The following HIP1 variants were observed in gnomAD, a reference collection of about 807,000 sequenced individuals.
HIP1 encodes the protein huntingtin-interacting protein 1.
A neutral mutation model predicts 147.6 loss-of-function variants in HIP1; 65 were observed. That is an observed-to-expected ratio of 0.44 (90% CI 0.36 to 0.54). The LOEUF (loss-of-function observed/expected upper bound fraction) is 0.54, where lower values mean the gene tolerates loss of function less well. Among genes scored for constraint, HIP1 ranks in the 20% least tolerant of loss-of-function variants. HIP1 has a pLI of 0.00. For synonymous variants in HIP1, 479 were observed against 504.0 expected, an observed-to-expected ratio of 0.95 and a Z score of 0.67; for missense variants, 1,061 against 1,299.6, an observed-to-expected ratio of 0.82 and a Z score of 2.82.
rs1794963253 is a variant in HIP1, at chr7:75,555,481, T to C, written c.1898A>G (p.Gln633Arg). The C allele has an allele frequency of 1.2e-6, 2 of 1,614,106 alleles. No individual in the cohort carries two copies. Among genetic ancestry groups the C allele is most frequent in the South Asian group, 2.2e-5 (2 of 91,090 alleles). The change falls in exon 19 of 31, where the codon CAG becomes CGG. Residue 633 changes from glutamine (Q) to arginine (R), a missense_variant. Physicochemically the swap from Gln to Arg is conservative, Grantham distance 43 (BLOSUM62 1). Around this residue, in one of 3 missense-constraint regions of HIP1, gnomAD observed 810 missense variants for 946.8 expected, o/e 0.86. Coordinates refer to ENST00000336926, the MANE Select transcript of HIP1 (RefSeq NM_005338.7). ...LLVGSRKAAE[Q>R]VIQDALNQLE... ...CTGGTTCAGGGCGTCTTGTATCACC[T>C]GCTCCGCAGCCTTCCTGGACCCCAC...
At chr7:75,663,543 A>G (rs1022835478) in intron 1 of HIP1, among the ~76,000 whole-genome samples, 20 of 152,020 alleles carry the variant, frequency 1.3e-4, no homozygotes, top group African/African-American at 4.1e-4. Context: ...TTGCCAGGGG[A>G]CAGGAGCAGA....
At chr7:75,639,254 GAGGGGA>G in intron 1 of HIP1, 2 of 763,494 alleles carry the variant, frequency 2.6e-6, no homozygotes, top group Non-Finnish European at 1.6e-6. Context: ...AGGGGAGGGG[GAGGGGA>G]GGCGGCGAGG....
At chr7:75,659,511 T>C (rs1313364884) in intron 1 of HIP1, among the ~76,000 whole-genome samples, 1 of 151,996 alleles carries the variant, frequency 6.6e-6, no homozygotes, top group East Asian at 1.9e-4. Context: ...TAGCCAGGTA[T>C]GGTGGCGCAC....
At chr7:75,614,807 T>A (rs1554505651) in intron 1 of HIP1, among the ~76,000 whole-genome samples, 1 of 152,064 alleles carries the variant, frequency 6.6e-6, no homozygotes, top group East Asian at 1.9e-4. Context: ...GGAGTCTCAC[T>A]CTGTCACCCA....
intron 2 of HIP1, among the ~76,000 whole-genome samples, chr7:75,592,827 A>G (rs1388677706): frequency 6.6e-6 from 1 of 152,106 alleles, no homozygotes; most frequent in Non-Finnish European, 1.5e-5. Flanking sequence ...TTGAGTAGAC[A>G]ATTTCCCGAG....
chr7:75,637,535 G>GGTTTTT, intron 1 of HIP1, among the ~76,000 whole-genome samples: 1 of 79,058 alleles, frequency 1.3e-5, no homozygotes, highest in Non-Finnish European at 3.0e-5. Context: ...CTGCAGAGAG[G>GGTTTTT]ATTTTTTTTT....
At chr7:75,586,907 T>C in intron 4 of HIP1, 74 bp from the exon 5 acceptor site, 1 of 879,222 alleles carries the variant, frequency 1.1e-6, no homozygotes, top group Non-Finnish European at 1.9e-6. Flanking sequence ...CCAGGAATTC[T>C]CTGGTAAAGA....
At chr7:75,597,759 T>TAAAAAAA (rs1554502231) in intron 2 of HIP1, among the ~76,000 whole-genome samples, 3 of 44,118 alleles carry the variant, frequency 6.8e-5, no homozygotes, top group African/African-American at 2.0e-4. Flanking sequence ...AAAAAAAAAG[T>TAAAAAAA]CCCAACTCTG....
chr7:75,704,029 GC>G (rs1554519440), intron 1 of HIP1, among the ~76,000 whole-genome samples: 1 of 152,108 alleles, frequency 6.6e-6, no homozygotes, highest in Non-Finnish European at 1.5e-5. Flanking sequence ...TGGAAGCCCT[GC>G]CCTGGGAACC....
At chr7:75,597,455 C>T (rs963414701) in intron 2 of HIP1, among the ~76,000 whole-genome samples, 3 of 152,064 alleles carry the variant, frequency 2.0e-5, no homozygotes, top group Non-Finnish European at 2.9e-5. Context: ...GTGCGGCCTC[C>T]GAAGTTGGGC....
intron 5 of HIP1, among the ~76,000 whole-genome samples, chr7:75,582,963 G>A (rs1796113935): frequency 6.6e-6 from 1 of 152,064 alleles, no homozygotes; most frequent in Non-Finnish European, 1.5e-5. Context: ...CTCAATTTCA[G>A]CACCTTCACC....
intron 1 of HIP1, among the ~76,000 whole-genome samples, chr7:75,600,767 A>G (rs1584862650): frequency 6.6e-6 from 1 of 151,910 alleles, no homozygotes; most frequent in African/African-American, 2.4e-5. Flanking sequence ...TATTATTATT[A>G]TTTTTCGTCC....
At chr7:75,736,239 C>T (rs1802016946) in intron 1 of HIP1, among the ~76,000 whole-genome samples, 1 of 150,894 alleles carries the variant, frequency 6.6e-6, no homozygotes, top group Non-Finnish European at 1.5e-5. Flanking sequence ...TTGGGCCGTC[C>T]CTGGATAGCA....
chr7:75,611,169 GAA>G (rs1797420254), intron 1 of HIP1, among the ~76,000 whole-genome samples: 1 of 151,162 alleles, frequency 6.6e-6, no homozygotes, highest in African/African-American at 2.4e-5. Flanking sequence ...AATTTTTTTA[GAA>G]AGAGTCCCAG....
intron 4 of HIP1, 124 bp downstream of exon 4, chr7:75,591,931 AC>A: frequency 1.2e-6 from 1 of 809,948 alleles, no homozygotes; most frequent in South Asian, 1.4e-5. Flanking sequence ...CGTCTCTGGC[AC>A]CCATGGGAGA....
At chr7:75,601,347 G>C (rs1796964525) in intron 1 of HIP1, among the ~76,000 whole-genome samples, 1 of 152,028 alleles carries the variant, frequency 6.6e-6, no homozygotes, top group Non-Finnish European at 1.5e-5. Flanking sequence ...CCAGCACTTT[G>C]GGAGGCCAAG....
At position 75,597,347 on chromosome 7, in the gene HIP1, A is replaced by G. The variant is rs1584857254; in HGVS notation, c.184+1837T>C. 2.0e-5 allele frequency among the ~76,000 whole-genome samples: 3 copies of G among 152,140 alleles called. No homozygotes were observed. The South Asian group carries it at 6.2e-4, about 31-fold the overall frequency. On this transcript the variant is annotated intron_variant, in intron 2 of 30. Transcript: ENST00000336926. ...GGGGTTGAGGCTAGAAGGCTTCGGGACAAGCTGCTCTGGCTTGCCTGGCTG... is the reference window on the plus strand; with the variant it reads ...GGGGTTGAGGCTAGAAGGCTTCGGGGCAAGCTGCTCTGGCTTGCCTGGCTG...
At chr7:75,673,060 C>T (rs1043842233) in intron 1 of HIP1, among the ~76,000 whole-genome samples, 3 of 147,518 alleles carry the variant, frequency 2.0e-5, no homozygotes, top group Non-Finnish European at 4.4e-5. Flanking sequence ...CTAGCACTGT[C>T]ACCCAGGCTA....
Position 75,569,083 on chromosome 7 carries a change from C to T in HIP1, c.746-827G>A, listed in dbSNP as rs1030952739. ...GTTGGTAGCTAACTCTATGACACTG[C>T]ACACACCAGTAACCTCTTAGGACAG... On this transcript the variant is annotated intron_variant, in intron 8 of 30. Transcript: ENST00000336926. Among the ~76,000 whole-genome samples the T allele has an allele frequency of 3.9e-5, 6 of 152,272 alleles. No homozygotes were observed. In the South Asian group the frequency reaches 1.2e-3, roughly 32 times the overall value.
Sources: allele counts gnomAD v4.1 joint callset (sites outside exome capture counted in the v4.1 genomes callset), GRCh38; gene constraint gnomAD v4.1.1; regional missense constraint gnomAD v4.1.1; transcripts MANE v1.5; gene names NCBI Gene and HGNC (gene_info 2026-07-23, HGNC 2026-07-21).